The following CHM variants were observed in gnomAD, a reference collection of about 807,000 sequenced individuals.
CHM encodes the protein rab proteins geranylgeranyltransferase component A 1.
In CHM, 10 loss-of-function variants were observed where a neutral mutation model predicts 49.0. The observed-to-expected ratio is 0.20, with a 90% CI of 0.13 to 0.35. The LOEUF (loss-of-function observed/expected upper bound fraction) is 0.35, where lower values mean the gene tolerates loss of function less well. Among genes scored for constraint, CHM ranks in the 10% least tolerant of loss-of-function variants. The pLI is 1.00. For synonymous variants in CHM, 184 were observed against 167.5 expected, an observed-to-expected ratio of 1.10 and a Z score of -0.76; for missense variants, 455 against 478.4, an observed-to-expected ratio of 0.95 and a Z score of 0.46.
intron 8 of CHM, among the ~76,000 whole-genome samples, chrX:85,935,255 C>T (rs748186521): frequency 9.0e-6 from 1 of 111,499 alleles, no homozygotes; most frequent in African/African-American, 3.3e-5. Flanking sequence ...AACTCACTTA[C>T]GACCTCAAGG....
chrX:85,883,873 A>T (rs1160730048), intron 12 of CHM, among the ~76,000 whole-genome samples: 1 of 110,672 alleles, frequency 9.0e-6, no homozygotes, highest in Admixed American at 9.7e-5. Flanking sequence ...TGTAACATCA[A>T]ATCCCAGAAT....
intron 8 of CHM, among the ~76,000 whole-genome samples, chrX:85,952,579 C>A (rs1377309790): frequency 8.9e-6 from 1 of 112,432 alleles, no homozygotes; most frequent in Non-Finnish European, 1.9e-5. Flanking sequence ...AGGTAGTATG[C>A]CGTGAGCCTT....
chrX:86,033,499 G>C (rs1051213088), intron 1 of CHM, among the ~76,000 whole-genome samples: 6 of 112,286 alleles, frequency 5.3e-5, no homozygotes, highest in Non-Finnish European at 1.1e-4. Context: ...TAAAGAGTAA[G>C]TTCTTTTTTA....
chrX:86,034,623 A>C (rs1934167016), intron 1 of CHM, among the ~76,000 whole-genome samples: 1 of 110,950 alleles, frequency 9.0e-6, no homozygotes, highest in Admixed American at 9.6e-5. Context: ...TCTACTAAAA[A>C]TACAAAAATA....
intron 1 of CHM, among the ~76,000 whole-genome samples, chrX:86,029,778 T>G (rs1448299243): frequency 1.8e-5 from 2 of 111,165 alleles, no homozygotes; most frequent in African/African-American, 6.5e-5. Context: ...GACTTGAATC[T>G]TGGTTTTGCT....
intron 12 of CHM, among the ~76,000 whole-genome samples, chrX:85,887,535 G>A (rs1022576583): frequency 2.7e-5 from 3 of 111,560 alleles, no homozygotes; most frequent in Middle Eastern, 4.2e-3. Context: ...AGAGTGGGGC[G>A]CTGCTGAAAA....
intron 2 of CHM, among the ~76,000 whole-genome samples, chrX:85,983,584 T>C (rs1931747881): frequency 8.9e-6 from 1 of 111,907 alleles, no homozygotes; most frequent in African/African-American, 3.2e-5. Context: ...GAAAAAAACC[T>C]GAAACTACTG....
chrX:86,008,741 A>T (rs915872810), intron 2 of CHM, among the ~76,000 whole-genome samples: 7 of 111,507 alleles, frequency 6.3e-5, no homozygotes, highest in Non-Finnish European at 1.1e-4. Flanking sequence ...TCTCTGTTGG[A>T]ACTAGTCAAC....
intron 5 of CHM, among the ~76,000 whole-genome samples, chrX:85,961,473 T>C (rs1264023310): frequency 9.8e-6 from 1 of 102,390 alleles, no homozygotes; most frequent in Admixed American, 1.1e-4. Context: ...TTAAGATAGA[T>C]ATTTGGCAAT....
chrX:85,956,900 C>T (rs995198743), intron 7 of CHM, among the ~76,000 whole-genome samples: 8 of 111,405 alleles, frequency 7.2e-5, no homozygotes, highest in Non-Finnish European at 5.7e-5. Context: ...TCAAAACATA[C>T]GGGACCCCCA....
intron 8 of CHM, among the ~76,000 whole-genome samples, chrX:85,949,701 A>G (rs778712423): frequency 4.4e-4 from 48 of 109,780 alleles, no homozygotes; most frequent in African/African-American, 1.6e-3. Context: ...ATTCGGAAAT[A>G]AGTGACTTCC....
At chrX:85,899,691 C>CAA (rs1556255768) in intron 11 of CHM, among the ~76,000 whole-genome samples, 18 of 74,026 alleles carry the variant, frequency 2.4e-4, no homozygotes, top group African/African-American at 8.9e-4. Context: ...CCCCCCGCCC[C>CAA]AAAAAAACCC....
chrX:86,044,122 T>C (rs926198715), intron 1 of CHM, among the ~76,000 whole-genome samples: 3 of 111,481 alleles, frequency 2.7e-5, no homozygotes, highest in Non-Finnish European at 5.6e-5. Flanking sequence ...ATATGACTGT[T>C]AGGAAGGCCA....
intron 12 of CHM, among the ~76,000 whole-genome samples, chrX:85,883,988 G>T (rs1924922016): frequency 1.8e-5 from 2 of 110,594 alleles, no homozygotes; most frequent in African/African-American, 6.5e-5. Flanking sequence ...GAATGGAAGG[G>T]CTGCAAAGAT....
intron 2 of CHM, among the ~76,000 whole-genome samples, chrX:85,982,604 C>G (rs1380866821): frequency 9.0e-6 from 1 of 110,859 alleles, no homozygotes; most frequent in Non-Finnish European, 1.9e-5. Flanking sequence ...CTCTTTAATT[C>G]TTCACTGCAT....
intron 8 of CHM, among the ~76,000 whole-genome samples, chrX:85,943,606 G>T (rs1335603671): frequency 8.9e-6 from 1 of 112,071 alleles, no homozygotes; most frequent in Non-Finnish European, 1.9e-5. Context: ...AGCTGAATAT[G>T]CATCCATAAT....
intron 5 of CHM, among the ~76,000 whole-genome samples, chrX:85,960,328 T>C (rs1930228391): frequency 9.0e-6 from 1 of 111,620 alleles, no homozygotes. Context: ...ATTTAAGATA[T>C]CACAAGAACA....
intron 8 of CHM, among the ~76,000 whole-genome samples, chrX:85,945,024 G>A (rs762679054): frequency 3.6e-5 from 4 of 111,382 alleles, no homozygotes; most frequent in African/African-American, 6.5e-5. Flanking sequence ...GCAAACTAAC[G>A]CAGGAAGAGA....
chrX:85,943,610 C>A (rs906987320), intron 8 of CHM, among the ~76,000 whole-genome samples: 2 of 111,630 alleles, frequency 1.8e-5, no homozygotes, highest in African/African-American at 6.5e-5. Flanking sequence ...GAATATGCAT[C>A]CATAATGAGA....
Sources: allele counts gnomAD v4.1 joint callset (sites outside exome capture counted in the v4.1 genomes callset), GRCh38; gene constraint gnomAD v4.1.1; transcripts MANE v1.5; gene names NCBI Gene and HGNC (gene_info 2026-07-23, HGNC 2026-07-21).